FILIP1L: variants seen among roughly 807,000 people sequenced by gnomAD.
FILIP1L encodes the protein filamin A interacting protein 1 like.
FILIP1L carries 55 observed loss-of-function variants against 96.6 expected under a neutral mutation model. The ratio of observed to expected loss-of-function variants is 0.57; its 90% CI spans 0.46 to 0.71. The LOEUF (loss-of-function observed/expected upper bound fraction) is 0.71, where lower values mean the gene tolerates loss of function less well. Ranked by LOEUF, FILIP1L falls within the 30% of genes least tolerant of loss-of-function variation. The pLI, the probability that FILIP1L is intolerant of heterozygous loss-of-function variation, is 0.00. For synonymous variants in FILIP1L, 467 were observed against 473.9 expected (o/e 0.99, Z 0.19); for missense variants, 1,304 against 1,321.2 (o/e 0.99, Z 0.20).
intron 1 of FILIP1L, among the ~76,000 whole-genome samples, chr3:100,095,681 T>C (rs964703649): frequency 1.6e-4 from 24 of 152,110 alleles, no homozygotes; most frequent in Admixed American, 6.5e-5. Context: ...CAGGAAAACA[T>C]TGGAGAAACT....
chr3:99,848,012 A>C, intron 5 of FILIP1L: 1 of 1,122,736 alleles, frequency 8.9e-7, no homozygotes, highest in Non-Finnish European at 1.1e-6. Context: ...GAGTTATGGA[A>C]AATGAAATAC....
intron 4 of FILIP1L, among the ~76,000 whole-genome samples, chr3:99,862,146 A>G (rs1293427176): frequency 6.6e-6 from 1 of 152,240 alleles, no homozygotes; most frequent in African/African-American, 2.4e-5. Context: ...TGATTTAGCC[A>G]TTCCACAATA....
intron 1 of FILIP1L, among the ~76,000 whole-genome samples, chr3:99,963,635 G>A (rs1040884171): frequency 9.9e-5 from 15 of 150,912 alleles, no homozygotes; most frequent in African/African-American, 2.9e-4. Flanking sequence ...TTTTTTAGAC[G>A]GAGTGTCGCT....
chr3:100,047,886 A>C (rs1312173119), intron 1 of FILIP1L, among the ~76,000 whole-genome samples: 1 of 152,120 alleles, frequency 6.6e-6, no homozygotes, highest in Non-Finnish European at 1.5e-5. Flanking sequence ...GCGAAAAATG[A>C]TAGGATGGAG....
chr3:100,105,700 G>A (rs1190908881), intron 1 of FILIP1L, among the ~76,000 whole-genome samples: 3 of 152,134 alleles, frequency 2.0e-5, no homozygotes, highest in Non-Finnish European at 4.4e-5. Flanking sequence ...AAAAACAACT[G>A]CTAGGTCAAG....
At chr3:99,949,958 CATTA>C (rs1025101265) in intron 1 of FILIP1L, among the ~76,000 whole-genome samples, 5 of 152,128 alleles carry the variant, frequency 3.3e-5, no homozygotes, top group Non-Finnish European at 7.4e-5. Context: ...TCTTGGATAT[CATTA>C]ATTATTTCCC....
At chr3:100,113,688 CT>C (rs777433116) in intron 1 of FILIP1L, among the ~76,000 whole-genome samples, 24 of 152,198 alleles carry the variant, frequency 1.6e-4, no homozygotes, top group Non-Finnish European at 3.5e-4. Flanking sequence ...TTCACATCAG[CT>C]TACAAAATCA....
rs1269575591 is a variant in FILIP1L at position 99,849,353 on chromosome 3, G to T, written c.2323C>A (p.Arg775=). Residue 775 remains arginine, a synonymous_variant, in exon 5 of 6, where the codon CGG becomes AGG. Coordinates refer to ENST00000477258, the MANE Select transcript of FILIP1L (RefSeq NM_001387850.1). ...GGCCTGAGGCTCTTACTGAAATGCC[G>T]GTACCTCTCTAACTCCTTAGTGAGG... ...ENLTKELERY[R]HFSKSLRPSL... is the part of the protein sequence containing the mutation. The T allele has an allele frequency of 1.9e-6, 3 of 1,613,842 alleles. No individual in the cohort carries two copies. The African/African-American group carries it at 4.0e-5, about 22-fold the overall frequency.
intron 4 of FILIP1L, among the ~76,000 whole-genome samples, chr3:99,869,955 C>G (rs539236749): frequency 6.6e-6 from 1 of 152,260 alleles, no homozygotes; most frequent in African/African-American, 2.4e-5. Flanking sequence ...CTCACAGGCC[C>G]AAGTGCTACA....
At chr3:99,858,803 CCATTA>C (rs1944100884) in intron 4 of FILIP1L, among the ~76,000 whole-genome samples, 1 of 152,202 alleles carries the variant, frequency 6.6e-6, no homozygotes. Flanking sequence ...ACTTTAAGAA[CCATTA>C]CTCCAGAGGA....
intron 1 of FILIP1L, among the ~76,000 whole-genome samples, chr3:99,948,065 A>C (rs1389418297): frequency 6.6e-6 from 1 of 152,242 alleles, no homozygotes. Flanking sequence ...AAGCTATAAC[A>C]TTCTGTTTCT....
chr3:99,920,422 A>C (rs2107649593), intron 4 of FILIP1L, among the ~76,000 whole-genome samples: 1 of 152,334 alleles, frequency 6.6e-6, no homozygotes, highest in Non-Finnish European at 1.5e-5. Flanking sequence ...AAGGCCAAAA[A>C]TTATTGGCAT....
At chr3:100,068,071 A>G (rs940259793) in intron 1 of FILIP1L, among the ~76,000 whole-genome samples, 6 of 152,212 alleles carry the variant, frequency 3.9e-5, no homozygotes, top group South Asian at 2.1e-4. Context: ...GAATTTAGGA[A>G]TAACTACTTC....
intron 1 of FILIP1L, among the ~76,000 whole-genome samples, chr3:99,979,344 T>C (rs1201275777): frequency 1.3e-5 from 2 of 152,238 alleles, no homozygotes; most frequent in Non-Finnish European, 2.9e-5. Flanking sequence ...AAAGCTTGTC[T>C]GTATATACGG....
chr3:99,974,998 C>T (rs1271907710), intron 1 of FILIP1L, among the ~76,000 whole-genome samples: 1 of 152,136 alleles, frequency 6.6e-6, no homozygotes, highest in Non-Finnish European at 1.5e-5. Flanking sequence ...CATTAAGACA[C>T]ATTTATGACA....
intron 1 of FILIP1L, among the ~76,000 whole-genome samples, chr3:100,042,876 G>A (rs1237040303): frequency 1.3e-5 from 2 of 152,234 alleles, no homozygotes; most frequent in Non-Finnish European, 2.9e-5. Flanking sequence ...GAGGAATAGA[G>A]CCAAAGTTCC....
chr3:99,873,871 C>A (rs1278734925), intron 4 of FILIP1L, among the ~76,000 whole-genome samples: 1 of 152,158 alleles, frequency 6.6e-6, no homozygotes, highest in Non-Finnish European at 1.5e-5. Context: ...TTAATCACCA[C>A]AAAAGTGCAA....
At chr3:100,026,681 C>G (rs2064927980) in intron 1 of FILIP1L, among the ~76,000 whole-genome samples, 1 of 152,160 alleles carries the variant, frequency 6.6e-6, no homozygotes, top group South Asian at 2.1e-4. Flanking sequence ...CCTGTTGGCT[C>G]TATCCTCAAA....
chr3:100,000,910 T>C (rs1451058396), intron 1 of FILIP1L, among the ~76,000 whole-genome samples: 1 of 152,254 alleles, frequency 6.6e-6, no homozygotes, highest in Non-Finnish European at 1.5e-5. Context: ...AAGCCTGTAG[T>C]TGACCTACGG....
Sources: allele counts gnomAD v4.1 joint callset (sites outside exome capture counted in the v4.1 genomes callset), GRCh38; gene constraint gnomAD v4.1.1; transcripts MANE v1.5; gene names NCBI Gene and HGNC (gene_info 2026-07-23, HGNC 2026-07-21).